Variants in NEMP2 observed in about 807,000 individuals in gnomAD.
NEMP2 encodes nuclear envelope integral membrane protein 2.
In NEMP2, 53 loss-of-function variants were observed where a neutral mutation model predicts 54.2. The observed-to-expected ratio is 0.98, with a 90% confidence interval of 0.78 to 1.23. The LOEUF is 1.23. Ranked by LOEUF, NEMP2 falls within the 50% of genes most tolerant of loss-of-function variation. NEMP2 has a pLI of 0.00. For synonymous variants in NEMP2, 197 were observed against 190.3 expected (o/e 1.04, Z -0.29); for missense variants, 455 against 511.3 (o/e 0.89, Z 1.06).
At chr2:190,588,495 T>A in the NEMP2 span, among the ~76,000 whole-genome samples, 1 of 152,060 alleles carries the variant, frequency 6.6e-6, no homozygotes, top group African/African-American at 2.4e-5. This position sits in a 1 kb window ranked among gnomAD's most constrained non-coding sequence, Gnocchi z 5.0. Flanking sequence ...AGAATCAAAC[T>A]TTTATGACTC....
the NEMP2 span, among the ~76,000 whole-genome samples, chr2:190,474,473 G>A: frequency 6.6e-6 from 1 of 152,146 alleles, no homozygotes; most frequent in African/African-American, 2.4e-5. Context: ...TAGAAGAAAT[G>A]GATAAATTCC....
chr2:190,639,312 G>A, the NEMP2 span, among the ~76,000 whole-genome samples: 6 of 152,142 alleles, frequency 3.9e-5, no homozygotes, highest in African/African-American at 1.4e-4. Context: ...CTCAAGACAT[G>A]TAGTTATACA....
At chr2:190,473,715 T>C in the NEMP2 span, among the ~76,000 whole-genome samples, 1 of 151,928 alleles carries the variant, frequency 6.6e-6, no homozygotes, top group Non-Finnish European at 1.5e-5. Flanking sequence ...CTTTCCTGAG[T>C]GGACCTAATA....
the NEMP2 span, among the ~76,000 whole-genome samples, chr2:190,613,470 C>T: frequency 5.3e-5 from 8 of 152,272 alleles, no homozygotes; most frequent in East Asian, 3.9e-4. Context: ...GTAGCCTCTA[C>T]GCCAAATTTT....
the NEMP2 span, among the ~76,000 whole-genome samples, chr2:190,453,035 C>G: frequency 2.0e-5 from 3 of 152,072 alleles, no homozygotes; most frequent in East Asian, 3.9e-4. Flanking sequence ...CAGACATATT[C>G]CTGTGTCATG....
chr2:190,490,097 GTTTTC>G, the NEMP2 span, among the ~76,000 whole-genome samples: 1 of 151,806 alleles, frequency 6.6e-6, no homozygotes, highest in African/African-American at 2.4e-5. The surrounding 1 kb of genome is among the most constrained non-coding windows in gnomAD (Gnocchi z 4.5). Flanking sequence ...TTGTTTGTTT[GTTTTC>G]TTTTATAATA....
At chr2:190,428,243 C>G in the NEMP2 span, among the ~76,000 whole-genome samples, 36 of 152,150 alleles carry the variant, frequency 2.4e-4, no homozygotes, top group Non-Finnish European at 4.7e-4. Flanking sequence ...ATTTATGTAT[C>G]TGCTGTAGAC....
At chr2:190,625,622 A>G in the NEMP2 span, 1 of 152,224 alleles carries the variant, frequency 6.6e-6, no homozygotes, top group Non-Finnish European at 1.5e-5. Context: ...AAAGCAAGCT[A>G]TACAGAAAAA....
downstream of NEMP2, chr2:190,501,436 C>A (rs367642212): frequency 6.6e-6 from 1 of 152,066 alleles, no homozygotes; most frequent in Admixed American, 6.5e-5. Flanking sequence ...GTGGATCGCA[C>A]GTAAAGCTTG....
the NEMP2 span, among the ~76,000 whole-genome samples, chr2:190,463,580 G>C: frequency 6.6e-6 from 1 of 152,200 alleles, no homozygotes; most frequent in Admixed American, 6.5e-5. The surrounding 1 kb of genome is among the most constrained non-coding windows in gnomAD (Gnocchi z 4.4). Context: ...AGCAACTTTG[G>C]GAGGCTGAGA....
chr2:190,576,028 G>A, the NEMP2 span, among the ~76,000 whole-genome samples: 38 of 151,046 alleles, frequency 2.5e-4, no homozygotes, highest in South Asian at 7.9e-3. Flanking sequence ...AGGCTGGAAT[G>A]CACAATCGTG....
At chr2:190,433,583 C>T in the NEMP2 span, among the ~76,000 whole-genome samples, 3 of 152,134 alleles carry the variant, frequency 2.0e-5, no homozygotes, top group African/African-American at 7.2e-5. This position sits in a 1 kb window ranked among gnomAD's most constrained non-coding sequence, Gnocchi z 4.5. Context: ...TGTTCACTTT[C>T]AAAATGGTTA....
At chr2:190,444,683 A>G in the NEMP2 span, 1 of 153,376 alleles carries the variant, frequency 6.5e-6, no homozygotes, top group African/African-American at 2.4e-5. Context: ...GCCACACTGT[A>G]ACTCCTGAAA....
chr2:190,608,933 C>G, the NEMP2 span: 1 of 152,186 alleles, frequency 6.6e-6, no homozygotes, highest in African/African-American at 2.4e-5. The surrounding 1 kb of genome is among the most constrained non-coding windows in gnomAD (Gnocchi z 4.9). Context: ...GGGTCTGGTA[C>G]TATCTGCAGC....
At chr2:190,603,864 T>C in the NEMP2 span, among the ~76,000 whole-genome samples, 1 of 152,016 alleles carries the variant, frequency 6.6e-6, no homozygotes, top group Admixed American at 6.6e-5. Context: ...GTTTTCTGTG[T>C]TCCTACTCTT....
the NEMP2 span, among the ~76,000 whole-genome samples, chr2:190,431,445 G>C: frequency 2.0e-5 from 3 of 152,254 alleles, no homozygotes; most frequent in Non-Finnish European, 4.4e-5. The surrounding 1 kb of genome is among the most constrained non-coding windows in gnomAD (Gnocchi z 4.4). Flanking sequence ...GACTCCGTCT[G>C]CAATCCCGGC....
At chr2:190,567,697 A>G in the NEMP2 span, among the ~76,000 whole-genome samples, 2 of 152,090 alleles carry the variant, frequency 1.3e-5, no homozygotes, top group Non-Finnish European at 2.9e-5. The surrounding 1 kb of genome is among the most constrained non-coding windows in gnomAD (Gnocchi z 4.0). Flanking sequence ...TCACCAGGCT[A>G]CAGTGCAGTG....
rs371274610 is a variant in NEMP2 at position 190,512,851 on chromosome 2, C to T, written c.953+1602G>A. 8.5e-5 allele frequency among the ~76,000 whole-genome samples: 13 copies of T among 152,322 alleles called. 2 individuals carry two copies. The highest frequency in any genetic ancestry group is 2.9e-4 in the African/African-American group (12 of 41,590). The stretch of plus-strand genomic sequence containing the variant: ...CCCTGCTGCCTTTCAGCCCCGCCAG[C>T]ATCTTCTGTGCGGGCTCCCTGTCCT... On this transcript the variant is annotated intron_variant, in intron 7 of 8. Transcript: ENST00000409150. The surrounding 1 kb of genome is among the most constrained non-coding windows in gnomAD (Gnocchi z 4.5).
chr2:190,639,469 C>T, the NEMP2 span, among the ~76,000 whole-genome samples: 7 of 104,690 alleles, frequency 6.7e-5, no homozygotes, highest in Non-Finnish European at 1.4e-4. Context: ...CTTTTTAGCT[C>T]GCAGTTTTTG....
Sources: gnomAD v4.1 joint callset for allele counts (sites outside exome capture counted in the v4.1 genomes callset) on GRCh38, gnomAD v4.1.1 for gene constraint, Gnocchi (gnomAD v3.1) non-coding constraint, MANE v1.5 for transcripts, NCBI Gene and HGNC (gene_info 2026-07-23, HGNC 2026-07-21) for gene names.